Variants in MPPED2 observed in about 807,000 individuals in gnomAD.
MPPED2 encodes the protein metallophosphoesterase domain containing 2, also known as metallophosphoesterase MPPED2.
A neutral mutation model predicts 33.0 loss-of-function variants in MPPED2; 5 were observed. That is an observed-to-expected ratio of 0.15 (90% CI 0.08 to 0.32). MPPED2 has a LOEUF of 0.32. Among genes scored for constraint, MPPED2 ranks in the 10% least tolerant of loss-of-function variants. The pLI is 1.00. For missense variants in MPPED2, 275 were observed against 372.1 expected, an observed-to-expected ratio of 0.74 and a Z score of 2.15; for synonymous variants, 136 against 141.9, an observed-to-expected ratio of 0.96 and a Z score of 0.29.
At chr11:30,389,943 C>T (rs1004982432) in intron 6 of MPPED2, among the ~76,000 whole-genome samples, 1 of 152,170 alleles carries the variant, frequency 6.6e-6, no homozygotes, top group Non-Finnish European at 1.5e-5. Context: ...ACACAAAATA[C>T]CCACAGCTAC....
At chr11:30,572,686 G>A (rs1422263754) in intron 2 of MPPED2, among the ~76,000 whole-genome samples, 1 of 152,138 alleles carries the variant, frequency 6.6e-6, no homozygotes, top group East Asian at 1.9e-4. Context: ...TTTCTACCTT[G>A]TTAGTAAGTG....
chr11:30,436,734 A>G (rs1021683195), intron 4 of MPPED2, among the ~76,000 whole-genome samples: 2 of 152,196 alleles, frequency 1.3e-5, no homozygotes, highest in African/African-American at 4.8e-5. Context: ...AGTATGTATA[A>G]TTCAAAAATC....
chr11:30,586,071 G>C lies in MPPED2; in HGVS notation c.-151C>G, dbSNP rs1017910776. On this transcript the variant is annotated 5_prime_UTR_variant, in exon 1 of 7. It adds an upstream start codon to the 5' untranslated region. Transcript: ENST00000358117. This position sits in a 1 kb window ranked among gnomAD's most constrained non-coding sequence, Gnocchi z 4.8. ...CCCGGGCTGCGCTCCGGATCCCGGGGATGCCTTCAGCGCCCGGCGAGCAGG... is the reference window on the plus strand; with the variant it reads ...CCCGGGCTGCGCTCCGGATCCCGGGCATGCCTTCAGCGCCCGGCGAGCAGG... 1 of 152,210 alleles carries C rather than the reference G, an allele frequency of 6.6e-6. No homozygotes were observed. Among genetic ancestry groups the C allele is most frequent in the Non-Finnish European group, 1.5e-5 (1 of 68,058 alleles). The allele number at this position is 152,210 out of a possible 1,614,324, so 9.4% of individuals were successfully genotyped here. A position where few individuals can be genotyped will look rare whatever the true frequency, so the allele number is the denominator to read the frequency against.
chr11:30,485,139 A>G (rs948861760), intron 4 of MPPED2, among the ~76,000 whole-genome samples: 1 of 152,218 alleles, frequency 6.6e-6, no homozygotes, highest in African/African-American at 2.4e-5. Flanking sequence ...AGTGAAGAAC[A>G]TAAAGGCTTT....
intron 2 of MPPED2, among the ~76,000 whole-genome samples, chr11:30,570,863 G>A (rs1190223494): frequency 6.6e-6 from 1 of 152,064 alleles, no homozygotes; most frequent in Non-Finnish European, 1.5e-5. Flanking sequence ...TAGCCAATCA[G>A]TATAAATGCC....
chr11:30,475,356 TATATAC>T (rs1199566179), intron 4 of MPPED2, among the ~76,000 whole-genome samples: 2 of 152,170 alleles, frequency 1.3e-5, no homozygotes, highest in African/African-American at 4.8e-5. Flanking sequence ...ATGTTGCAGA[TATATAC>T]ATACTATAAT....
intron 3 of MPPED2, among the ~76,000 whole-genome samples, chr11:30,530,149 C>A (rs901989149): frequency 6.6e-6 from 1 of 152,140 alleles, no homozygotes. Flanking sequence ...CAACAATATA[C>A]CCTTCTTATT....
chr11:30,525,503 C>A (rs1435328624), intron 3 of MPPED2, among the ~76,000 whole-genome samples: 2 of 152,170 alleles, frequency 1.3e-5, no homozygotes, highest in African/African-American at 4.8e-5. Flanking sequence ...TTCTGCTAAG[C>A]TGATGAAGTA....
intron 4 of MPPED2, among the ~76,000 whole-genome samples, chr11:30,418,072 C>G (rs1948454324): frequency 1.3e-5 from 2 of 152,148 alleles, no homozygotes; most frequent in East Asian, 3.9e-4. Context: ...AATCTTTCTA[C>G]TTTTCCAGAA....
At chr11:30,437,153 G>A (rs750797570) in intron 4 of MPPED2, among the ~76,000 whole-genome samples, 4 of 152,130 alleles carry the variant, frequency 2.6e-5, no homozygotes, top group African/African-American at 9.7e-5. Context: ...CCTCAGCATC[G>A]CTGGGCTCAA....
At chr11:30,556,986 A>G (rs1955991913) in intron 2 of MPPED2, among the ~76,000 whole-genome samples, 1 of 151,982 alleles carries the variant, frequency 6.6e-6, no homozygotes, top group Non-Finnish European at 1.5e-5. Flanking sequence ...AATAAAAAAA[A>G]ATCAAAATCA....
chr11:30,528,264 CT>C (rs1049005606), intron 3 of MPPED2, among the ~76,000 whole-genome samples: 1 of 151,348 alleles, frequency 6.6e-6, no homozygotes, highest in Non-Finnish European at 1.5e-5. Context: ...TATTTACTTT[CT>C]TTTTTTTTCA....
At position 30,586,183 on chromosome 11, in the gene MPPED2, C is replaced by G. The variant is rs1957463612; in HGVS notation, c.-263G>C. ...AGGGGCGCGAGCGGGCCAGAACCTT[C>G]GACCCCGGAGGTCCCGCCGCAGGCT... On this transcript the variant is annotated 5_prime_UTR_variant, in exon 1 of 7. Transcript: ENST00000358117. This position sits in a 1 kb window ranked among gnomAD's most constrained non-coding sequence, Gnocchi z 4.8. The G allele has an allele frequency of 6.5e-6, 1 of 153,340 alleles. No homozygotes were observed. The highest frequency in any genetic ancestry group is 1.4e-5 in the Non-Finnish European group (1 of 69,074). 9.5% of individuals were successfully genotyped at this position (153,340 alleles called of 1,614,324 possible). A position where few individuals can be genotyped will look rare whatever the true frequency, so the allele number is the denominator to read the frequency against.
chr11:30,396,740 G>A lies in MPPED2; in HGVS notation c.767-7784C>T, dbSNP rs1276023088. ...TATTTTTAAAAATTAAAATAGTAAT[G>A]CATACACATGCAAACTAGAATTCAT... On this transcript the variant is annotated intron_variant, in intron 6 of 6. Transcript: ENST00000448418. 2.0e-5 allele frequency among the ~76,000 whole-genome samples: 3 copies of A among 152,176 alleles called. No homozygotes were observed. The East Asian group carries it at 5.8e-4, about 29-fold the overall frequency.
chr11:30,526,332 A>G (rs1954176687), intron 3 of MPPED2, among the ~76,000 whole-genome samples: 1 of 152,128 alleles, frequency 6.6e-6, no homozygotes, highest in Non-Finnish European at 1.5e-5. Context: ...GAGAAAGGGG[A>G]AAGAAAAAAA....
intron 4 of MPPED2, among the ~76,000 whole-genome samples, chr11:30,463,011 G>A (rs1950567938): frequency 6.6e-6 from 1 of 152,122 alleles, no homozygotes; most frequent in Non-Finnish European, 1.5e-5. Flanking sequence ...TTTCCTAAAA[G>A]GAAACAAGAG....
chr11:30,408,834 G>A (rs371653074), downstream of MPPED2, among the ~76,000 whole-genome samples: 8 of 152,216 alleles, frequency 5.3e-5, no homozygotes, highest in Admixed American at 4.6e-4. Flanking sequence ...GTTCAACAGG[G>A]TGCCTGGTGA....
At chr11:30,586,924 C>CGACA (rs1957486686), upstream of MPPED2, 1 of 74,004 alleles carries the variant, frequency 1.4e-5, no homozygotes, top group African/African-American at 6.2e-5. This position sits in a 1 kb window ranked among gnomAD's most constrained non-coding sequence, Gnocchi z 4.8. Context: ...CCTTTCAACA[C>CGACA]GACAGACACA....
intron 2 of MPPED2, among the ~76,000 whole-genome samples, chr11:30,538,928 C>G (rs902724996): frequency 2.6e-5 from 4 of 152,134 alleles, no homozygotes; most frequent in Non-Finnish European, 4.4e-5. Context: ...GAGATGGTTT[C>G]AGAAGACAAG....
Sources: gnomAD v4.1 joint callset for allele counts (sites outside exome capture counted in the v4.1 genomes callset) on GRCh38, gnomAD v4.1.1 for gene constraint, Gnocchi (gnomAD v3.1) non-coding constraint, MANE v1.5 for transcripts, NCBI Gene and HGNC (gene_info 2026-07-23, HGNC 2026-07-21) for gene names.